The following SAMMSON variants were observed in gnomAD, a reference collection of about 807,000 sequenced individuals.
SAMMSON encodes the protein survival associated mitochondrial melanoma specific oncogenic non-coding RNA.
At chr3:70,355,457 G>A (rs1043552649) in intron 8 of SAMMSON, among the ~76,000 whole-genome samples, 12 of 151,966 alleles carry the variant, frequency 7.9e-5, no homozygotes, top group Non-Finnish European at 2.9e-5. Context: ...CAAAAACAGG[G>A]TGTTATTTTT....
intron 6 of SAMMSON, among the ~76,000 whole-genome samples, chr3:70,283,402 C>T (rs13078703): frequency 0.061 from 9,245 of 152,040 alleles, 364 homozygotes; most frequent in East Asian, 0.16. Flanking sequence ...TTCAGGCTGA[C>T]GAATACTGAA....
chr3:70,388,620 G>T (rs910307407), intron 9 of SAMMSON, among the ~76,000 whole-genome samples: 3 of 152,092 alleles, frequency 2.0e-5, no homozygotes, highest in African/African-American at 7.2e-5. Flanking sequence ...TCCAGCCTTT[G>T]CTATATGAAT....
chr3:70,176,343 A>T (rs1196663643), intron 4 of SAMMSON, among the ~76,000 whole-genome samples: 3 of 152,194 alleles, frequency 2.0e-5, no homozygotes, highest in Admixed American at 2.0e-4. Flanking sequence ...GTTATACACA[A>T]GTAATTAGAG....
intron 4 of SAMMSON, among the ~76,000 whole-genome samples, chr3:70,165,475 C>G (rs1303544116): frequency 1.3e-5 from 2 of 151,906 alleles, no homozygotes; most frequent in East Asian, 3.9e-4. Flanking sequence ...CATCTATGAA[C>G]CAGATGAGCA....
At chr3:70,373,925 T>G (rs1353782934) in intron 9 of SAMMSON, among the ~76,000 whole-genome samples, 1 of 152,106 alleles carries the variant, frequency 6.6e-6, no homozygotes, top group Non-Finnish European at 1.5e-5. Context: ...TTATTATTAT[T>G]ATTATTGAGA....
At chr3:70,039,759 C>G (rs1384847447) in intron 3 of SAMMSON, among the ~76,000 whole-genome samples, 1 of 151,914 alleles carries the variant, frequency 6.6e-6, no homozygotes, top group Non-Finnish European at 1.5e-5. Flanking sequence ...CTCACAGGTA[C>G]AAGCTCTTAG....
At chr3:70,192,149 C>T (rs1047074031) in intron 4 of SAMMSON, among the ~76,000 whole-genome samples, 1 of 152,130 alleles carries the variant, frequency 6.6e-6, no homozygotes, top group Non-Finnish European at 1.5e-5. Flanking sequence ...TCTCGCCCTC[C>T]CACTTACCCC....
chr3:70,047,678 T>G (rs11708699), intron 3 of SAMMSON, among the ~76,000 whole-genome samples: 9 of 152,106 alleles, frequency 5.9e-5, no homozygotes, highest in African/African-American at 2.2e-4. Context: ...TTTCCATTTG[T>G]GATACTATAG....
intron 7 of SAMMSON, among the ~76,000 whole-genome samples, chr3:70,294,322 G>T (rs958515304): frequency 3.3e-5 from 5 of 152,090 alleles, no homozygotes; most frequent in Non-Finnish European, 7.4e-5. Context: ...AATAGACCTT[G>T]TAGTACAAGA....
intron 4 of SAMMSON, among the ~76,000 whole-genome samples, chr3:70,248,283 A>G (rs184960131): frequency 6.5e-4 from 99 of 152,244 alleles, no homozygotes; most frequent in African/African-American, 2.3e-3. Flanking sequence ...CTTTCTAAAT[A>G]GATTGCAGGA....
chr3:70,073,882 T>A (rs2067238813), intron 4 of SAMMSON, among the ~76,000 whole-genome samples: 1 of 152,070 alleles, frequency 6.6e-6, no homozygotes, highest in South Asian at 2.1e-4. Context: ...TGTCTTCTTT[T>A]ATTAAAAATA....
chr3:70,177,189 G>T (rs138080248), intron 4 of SAMMSON, among the ~76,000 whole-genome samples: 75 of 152,224 alleles, frequency 4.9e-4, no homozygotes, highest in African/African-American at 1.8e-3. Context: ...AGGTTGTTTT[G>T]CTTTATCTGC....
chr3:70,020,809 T>C (rs146678063), intron 3 of SAMMSON, among the ~76,000 whole-genome samples: 3 of 152,298 alleles, frequency 2.0e-5, no homozygotes, highest in African/African-American at 7.2e-5. Context: ...ATGGACATCA[T>C]TCCACGTCAT....
At chr3:70,355,895 T>C (rs931899256) in intron 8 of SAMMSON, among the ~76,000 whole-genome samples, 1 of 152,148 alleles carries the variant, frequency 6.6e-6, no homozygotes, top group Non-Finnish European at 1.5e-5. Context: ...GGTTTTCTTA[T>C]CACATTTTAT....
In SAMMSON at chr3:70,241,134, C is replaced by T. The variant is rs147227642; in HGVS notation, n.508-7973C>T. Among the ~76,000 whole-genome samples, 95 of 152,174 alleles carry T rather than the reference C, an allele frequency of 6.2e-4. 1 individual carries two copies. The highest frequency in any genetic ancestry group is 2.2e-3 in the African/African-American group (90 of 41,506). ...TGGATGGAGTACCATAAATGACATA[C>T]GGGCTGATAAATTTATCAGTTCCTG... On this transcript the variant is annotated intron_variant and non_coding_transcript_variant, in intron 4 of 9. Transcript: ENST00000642114.
intron 4 of SAMMSON, among the ~76,000 whole-genome samples, chr3:70,201,551 A>G (rs951705351): frequency 2.0e-5 from 3 of 152,160 alleles, no homozygotes; most frequent in Non-Finnish European, 4.4e-5. Context: ...GTTGAGTACT[A>G]TTATGATCCC....
At chr3:70,265,065 A>G (rs1021687671) in intron 6 of SAMMSON, among the ~76,000 whole-genome samples, 2 of 152,276 alleles carry the variant, frequency 1.3e-5, no homozygotes, top group East Asian at 3.9e-4. Context: ...TATCACAAGA[A>G]CAGCGCAGGA....
chr3:70,090,546 G>A (rs1423250682), intron 4 of SAMMSON, among the ~76,000 whole-genome samples: 1 of 152,170 alleles, frequency 6.6e-6, no homozygotes, highest in African/African-American at 2.4e-5. Flanking sequence ...CCCATGTTGT[G>A]TCTAAAATAA....
chr3:70,218,455 G>T (rs574451755), intron 4 of SAMMSON, among the ~76,000 whole-genome samples: 2 of 152,056 alleles, frequency 1.3e-5, no homozygotes, highest in Non-Finnish European at 2.9e-5. Context: ...ATAGACTGAG[G>T]TCAGTACTCT....
Sources: allele counts gnomAD v4.1 joint callset (sites outside exome capture counted in the v4.1 genomes callset), GRCh38; gene constraint gnomAD v4.1.1; transcripts MANE v1.5; gene names NCBI Gene and HGNC (gene_info 2026-07-23, HGNC 2026-07-21).